Variants in GMFB observed in about 807,000 individuals in gnomAD.
The protein encoded by GMFB is GMF-beta.
A neutral mutation model predicts 25.6 loss-of-function variants in GMFB; 13 were observed. The ratio of observed to expected loss-of-function variants is 0.51; its 90% confidence interval spans 0.33 to 0.81. The LOEUF (loss-of-function observed/expected upper bound fraction) is 0.81. Among genes scored for constraint, GMFB ranks in the 30% least tolerant of loss-of-function variants. GMFB has a pLI of 0.02. For missense variants in GMFB, 146 were observed against 175.4 expected (o/e 0.83, Z 0.95); for synonymous variants, 57 against 56.9 (o/e 1.00, Z 0.00).
Position 54,478,162 on chromosome 14 carries a change from T to C in GMFB, c.358-3A>G. On this transcript the variant is annotated splice_polypyrimidine_tract_variant and splice_region_variant and intron_variant, in intron 6 of 6. Coordinates refer to ENST00000358056, the MANE Select transcript of GMFB (RefSeq NM_004124.3). ...TCGGTATTTCTTATTTCAAATACCT[T>C]TAAAAAAAAAAAAAACTTGGGTCAT... is the stretch of plus-strand genomic sequence containing the variant. The C allele has an allele frequency of 8.2e-7, 1 of 1,218,924 alleles. No individual in the cohort carries two copies. Among genetic ancestry groups the C allele is most frequent in the South Asian group, 1.8e-5 (1 of 54,890 alleles). 75.5% of individuals were successfully genotyped at this position (1,218,924 alleles called of 1,614,324 possible).
intron 6 of GMFB, 129 bp downstream of exon 6, chr14:54,479,657 G>T: frequency 1.9e-6 from 1 of 533,234 alleles, no homozygotes; most frequent in South Asian, 2.7e-5. Flanking sequence ...AAAAGCTTTG[G>T]CTAACTTACT....
At position 54,475,427 on chromosome 14, in the gene GMFB, C is replaced by CACTTA. The variant is rs1566495738; in HGVS notation, c.*2660_*2661insTAAGT. The CACTTA allele has an allele frequency of 1.3e-5, 2 of 152,560 alleles. No homozygotes were observed. The highest frequency in any genetic ancestry group is 4.8e-5 in the African/African-American group (2 of 41,440). The allele number at this position is 152,560 out of a possible 1,614,324, so 9.5% of individuals were successfully genotyped here. A position where few individuals can be genotyped will look rare whatever the true frequency, so the allele number is the denominator to read the frequency against. On this transcript the variant is annotated 3_prime_UTR_variant, in exon 7 of 7. Transcript: ENST00000358056. ...TTAGTAATGACAGTAAAAAATTTAG[C>CACTTA]AACACACACTTAAACAAGAGTATGT... is the stretch of plus-strand genomic sequence containing the variant.
rs1426003712 is a variant in GMFB, at chr14:54,474,896, C to T, written c.*3192G>A. 1 of 152,600 alleles carries T rather than the reference C, an allele frequency of 6.6e-6. No individual in the cohort carries two copies. Among genetic ancestry groups the T allele is most frequent in the Non-Finnish European group, 1.5e-5 (1 of 68,014 alleles). The allele number at this position is 152,600 out of a possible 1,614,324, so 9.5% of individuals were successfully genotyped here. The stretch of plus-strand genomic sequence containing the variant: ...TTCTCAAGAATATTCAGCTTGGGAG[C>T]ATTGGTTTTAAGCGGTCTAGAAGAT... On this transcript the variant is annotated 3_prime_UTR_variant, in exon 7 of 7. Transcript: ENST00000358056.
At position 54,476,376 on chromosome 14, in the gene GMFB, TAAA is replaced by T. The variant is rs2031640785; in HGVS notation, c.*1709_*1711del. The T allele has an allele frequency of 6.6e-6, 1 of 152,056 alleles. No individual in the cohort carries two copies. Among genetic ancestry groups the T allele is most frequent in the Non-Finnish European group, 1.5e-5 (1 of 67,918 alleles). The allele number at this position is 152,056 out of a possible 1,614,324, so 9.4% of individuals were successfully genotyped here. ...CCTCATTTCCTTCATTCAAAAACAT[TAAA>T]AACACTCTCCACTCACTTGGATTAC... On this transcript the variant is annotated 3_prime_UTR_variant, in exon 7 of 7. Coordinates refer to ENST00000358056, the MANE Select transcript of GMFB (RefSeq NM_004124.3).
At chr14:54,480,645 C>A in intron 5 of GMFB, 2 of 369,376 alleles carry the variant, frequency 5.4e-6, no homozygotes, top group South Asian at 7.1e-5. Flanking sequence ...TTTGAGTCAA[C>A]AATTACACGT....
At chr14:54,488,036 A>T (rs1020272534) in intron 1 of GMFB, among the ~76,000 whole-genome samples, 1 of 152,206 alleles carries the variant, frequency 6.6e-6, no homozygotes, top group African/African-American at 2.4e-5. Flanking sequence ...TGCAGCTAAA[A>T]GGTCAGAGAA....
rs762452906 is a variant in GMFB at position 54,479,911 on chromosome 14, T to C, written c.284-52A>G. On this transcript the variant is annotated intron_variant, in intron 5 of 6. Transcript: ENST00000358056. ...TGAGACACAGATTTTGAGAAAGGTA[T>C]GGGTTATCATTATTTTTATTTTTTA... 15 of 991,488 alleles carry C rather than the reference T, an allele frequency of 1.5e-5. No individual in the cohort carries two copies. In the East Asian group the frequency reaches 1.7e-4, roughly 11 times the overall value. The allele number at this position is 991,488 out of a possible 1,614,324, so 61.4% of individuals were successfully genotyped here. A position where few individuals can be genotyped will look rare whatever the true frequency, so the allele number is the denominator to read the frequency against.
At chr14:54,481,049 T>C (rs2031705109) in intron 4 of GMFB, 93 bp from the exon 5 acceptor site, 3 of 630,936 alleles carry the variant, frequency 4.8e-6, no homozygotes, top group Non-Finnish European at 8.5e-6. Context: ...TTCTGTCCTA[T>C]TCTTTTAGGC....
intron 3 of GMFB, 89 bp downstream of exon 3, chr14:54,482,064 C>A: frequency 1.3e-6 from 1 of 798,356 alleles, no homozygotes; most frequent in Non-Finnish European, 2.2e-6. Flanking sequence ...GTTCAAGATT[C>A]GTTTTAGAAG....
At chr14:54,478,313 T>C (rs1274054965) in intron 6 of GMFB, 154 bp from the exon 7 acceptor site, 21 of 442,078 alleles carry the variant, frequency 4.8e-5, no homozygotes, top group Non-Finnish European at 4.1e-6. Flanking sequence ...CCTTTCATAT[T>C]GTTCATGACT....
In GMFB at chr14:54,480,809, G is replaced by GT. The variant is rs1206836541; in HGVS notation, c.283+64dup. 1.0e-5 allele frequency: 8 copies of GT among 778,946 alleles called. No individual in the cohort carries two copies. In the African/African-American group the frequency reaches 1.3e-4, roughly 12 times the overall value. The allele number at this position is 778,946 out of a possible 1,614,324, so 48.3% of individuals were successfully genotyped here. A position where few individuals can be genotyped will look rare whatever the true frequency, so the allele number is the denominator to read the frequency against. On this transcript the variant is annotated intron_variant, in intron 5 of 6. Transcript: ENST00000358056. ...CATCTTTAAAAACAGCAGAAAATTT[G>GT]TCTAGTATAAAATGGCTTAATTGGA...
chr14:54,480,798 G>T, intron 5 of GMFB, 76 bp downstream of exon 5: 1 of 738,254 alleles, frequency 1.4e-6, no homozygotes, highest in Non-Finnish European at 2.4e-6. Context: ...TTTAAAAACA[G>T]CAGAAAATTT....
chr14:54,486,232 G>T (rs1475411533), intron 1 of GMFB, among the ~76,000 whole-genome samples: 1 of 152,098 alleles, frequency 6.6e-6, no homozygotes, highest in Non-Finnish European at 1.5e-5. Context: ...CCTGGCGACA[G>T]AGCGAGACTC....
At chr14:54,486,469 A>AT (rs1223311743) in intron 1 of GMFB, among the ~76,000 whole-genome samples, 3 of 152,218 alleles carry the variant, frequency 2.0e-5, no homozygotes, top group African/African-American at 7.2e-5. Flanking sequence ...AAATGAGATC[A>AT]TATCAAGCTA....
At chr14:54,482,103 G>A in intron 3 of GMFB, 50 bp downstream of exon 3, 1 of 1,177,528 alleles carries the variant, frequency 8.5e-7, no homozygotes, top group Non-Finnish European at 1.3e-6. Flanking sequence ...CATCTTTTGA[G>A]AAATAATAAT....
chr14:54,476,989 A>C lies in GMFB; in HGVS notation c.*1099T>G, dbSNP rs2031648396. The C allele has an allele frequency of 6.6e-6, 1 of 152,020 alleles. No homozygotes were observed. Among genetic ancestry groups the C allele is most frequent in the African/African-American group, 2.4e-5 (1 of 41,424 alleles). The allele number at this position is 152,020 out of a possible 1,614,324, so 9.4% of individuals were successfully genotyped here. A position where few individuals can be genotyped will look rare whatever the true frequency, so the allele number is the denominator to read the frequency against. On this transcript the variant is annotated 3_prime_UTR_variant, in exon 7 of 7. Transcript: ENST00000358056. ...AATATCTTCTGACATTTAGGATATA[A>C]GATGTGATTGCTATTGAAGTGTTAA...
rs545040144 is a variant in GMFB, at chr14:54,488,012, A to AC, written c.3+912_3+913insG. On this transcript the variant is annotated intron_variant, in intron 1 of 6. Transcript: ENST00000358056. Reference sequence around the variant, plus strand: ...GAGAATGCTTCAAAAACAAGAGAGTATAACACTCTGGAATGCAGCTAAAAG... The same window carrying AC: ...GAGAATGCTTCAAAAACAAGAGAGTACTAACACTCTGGAATGCAGCTAAAAG... Among the ~76,000 whole-genome samples the AC allele has an allele frequency of 9.2e-5, 14 of 152,342 alleles. 1 individual carries two copies. The South Asian group carries it at 1.2e-3, about 14-fold the overall frequency.
rs1415345817 is a variant in GMFB at position 54,474,932 on chromosome 14, T to C, written c.*3156A>G. 6.6e-6 allele frequency: 1 copy of C among 152,590 alleles called. No individual in the cohort carries two copies. The highest frequency in any genetic ancestry group is 1.9e-4 in the East Asian group (1 of 5,202). 9.5% of individuals were successfully genotyped at this position (152,590 alleles called of 1,614,324 possible). On this transcript the variant is annotated 3_prime_UTR_variant, in exon 7 of 7. Transcript: ENST00000358056. ...AGCGGTCTAGAAGATTACTACATTC[T>C]TCCAGAAATACAAAATAAGATTTGT...
At chr14:54,484,705 C>G (rs909468047) in intron 1 of GMFB, among the ~76,000 whole-genome samples, 1 of 151,964 alleles carries the variant, frequency 6.6e-6, no homozygotes, top group Non-Finnish European at 1.5e-5. Context: ...ACCCTGATAC[C>G]ACAACCAGAC....
Sources: allele counts gnomAD v4.1 joint callset (sites outside exome capture counted in the v4.1 genomes callset), GRCh38; gene constraint gnomAD v4.1.1; transcripts MANE v1.5; gene names NCBI Gene and HGNC (gene_info 2026-07-23, HGNC 2026-07-21).